EYA1: variants seen among roughly 807,000 people sequenced by gnomAD.
EYA1 encodes the protein EYA transcriptional coactivator and phosphatase 1, also known as protein phosphatase EYA1.
In EYA1, 16 loss-of-function variants were observed where a neutral mutation model predicts 82.0. The ratio of observed to expected loss-of-function variants is 0.20; its 90% confidence interval spans 0.13 to 0.30. EYA1 has a LOEUF of 0.30. EYA1 is among the 10% of genes least tolerant of loss of function. EYA1 has a pLI of 1.00. For synonymous variants in EYA1, 261 were observed against 264.4 expected, an observed-to-expected ratio of 0.99 and a Z score of 0.12; for missense variants, 633 against 730.7, an observed-to-expected ratio of 0.87 and a Z score of 1.54.
chr8:71,529,273 T>G (rs899055377), intron 2 of EYA1: 10 of 152,316 alleles, frequency 6.6e-5, no homozygotes, highest in African/African-American at 2.2e-4. Flanking sequence ...ACCCCAACTC[T>G]AGGCCTTACT....
chr8:71,351,697 A>G (rs1025438739), intron 3 of EYA1, among the ~76,000 whole-genome samples: 9 of 152,332 alleles, frequency 5.9e-5, no homozygotes, highest in East Asian at 1.9e-4. Flanking sequence ...TACAGAACCT[A>G]CAAACATTGA....
At chr8:71,398,838 T>C (rs1563572581) in intron 2 of EYA1, among the ~76,000 whole-genome samples, 1 of 152,214 alleles carries the variant, frequency 6.6e-6, no homozygotes, top group African/African-American at 2.4e-5. Context: ...GACAGAGACA[T>C]TTAAGTCTGC....
At chr8:71,279,838 C>T (rs1242356019) in intron 9 of EYA1, among the ~76,000 whole-genome samples, 1 of 152,128 alleles carries the variant, frequency 6.6e-6, no homozygotes, top group African/African-American at 2.4e-5. Flanking sequence ...TTTAATTCTC[C>T]TTTTTTGTGT....
At chr8:71,466,436 A>T (rs1316213849) in intron 2 of EYA1, among the ~76,000 whole-genome samples, 1 of 152,186 alleles carries the variant, frequency 6.6e-6, no homozygotes, top group African/African-American at 2.4e-5. Flanking sequence ...TACAGTTAAC[A>T]TGAGTGATAT....
intron 11 of EYA1, among the ~76,000 whole-genome samples, chr8:71,249,725 C>T (rs147870583): frequency 5.4e-4 from 82 of 152,260 alleles, no homozygotes; most frequent in African/African-American, 1.9e-3. Context: ...TGGCTTCAAC[C>T]ACCACCCACT....
At chr8:71,356,768 G>A in intron 1 of EYA1, 1 of 1,159,152 alleles carries the variant, frequency 8.6e-7, no homozygotes, top group Non-Finnish European at 1.1e-6. Context: ...TTCATCACTG[G>A]CCTATGACAG....
chr8:71,519,101 A>G (rs1586873869), intron 2 of EYA1, among the ~76,000 whole-genome samples: 1 of 152,294 alleles, frequency 6.6e-6, no homozygotes, highest in African/African-American at 2.4e-5. Context: ...TTTTTCCCCT[A>G]TGACAATGAA....
chr8:71,546,035 C>A (rs1211105378), intron 1 of EYA1, among the ~76,000 whole-genome samples: 1 of 152,170 alleles, frequency 6.6e-6, no homozygotes, highest in Non-Finnish European at 1.5e-5. Context: ...ACCATCCCAG[C>A]ACATCAGTGT....
chr8:71,488,646 C>T (rs1292380257), intron 2 of EYA1, among the ~76,000 whole-genome samples: 1 of 152,156 alleles, frequency 6.6e-6, no homozygotes, highest in African/African-American at 2.4e-5. Flanking sequence ...TACTTTTAAA[C>T]AAGTGTTTAA....
At chr8:71,443,424 G>T (rs754411400) in intron 2 of EYA1, among the ~76,000 whole-genome samples, 1 of 152,164 alleles carries the variant, frequency 6.6e-6, no homozygotes, top group Non-Finnish European at 1.5e-5. Flanking sequence ...CTTGGGTAAA[G>T]CACGTGCCAT....
chr8:71,205,159 A>T (rs2128815919), intron 17 of EYA1, among the ~76,000 whole-genome samples: 1 of 152,316 alleles, frequency 6.6e-6, no homozygotes, highest in East Asian at 1.9e-4. Context: ...TAAAATGAAC[A>T]TATTTAATGA....
intron 2 of EYA1, among the ~76,000 whole-genome samples, chr8:71,479,767 A>G (rs573209576): frequency 6.6e-6 from 1 of 152,270 alleles, no homozygotes; most frequent in Admixed American, 6.5e-5. Flanking sequence ...CTATCACTCA[A>G]CAGTGGATAG....
At chr8:71,216,587 T>C (rs569213955) in intron 14 of EYA1, 105 bp downstream of exon 14, 2 of 1,216,080 alleles carry the variant, frequency 1.6e-6, no homozygotes, top group East Asian at 2.3e-5. Context: ...ACTGCCCAAA[T>C]AGAAGCTATT....
At chr8:71,273,364 C>T (rs183275933) in intron 9 of EYA1, among the ~76,000 whole-genome samples, 2 of 152,286 alleles carry the variant, frequency 1.3e-5, no homozygotes, top group Admixed American at 6.5e-5. Context: ...TAAGCTGACT[C>T]ATCTCACAGA....
At chr8:71,332,581 C>CA (rs1465790734) in intron 4 of EYA1, among the ~76,000 whole-genome samples, 7 of 152,122 alleles carry the variant, frequency 4.6e-5, no homozygotes, top group South Asian at 2.1e-4. Flanking sequence ...CAAATTAATA[C>CA]AAAAAAATCT....
chr8:71,340,155 G>A (rs1396378175), intron 3 of EYA1, among the ~76,000 whole-genome samples: 1 of 152,032 alleles, frequency 6.6e-6, no homozygotes, highest in Non-Finnish European at 1.5e-5. Flanking sequence ...CTGGCTGTAG[G>A]GTCTTCAGCA....
intron 11 of EYA1, among the ~76,000 whole-genome samples, chr8:71,247,593 T>A (rs375864324): frequency 2.0e-5 from 3 of 152,178 alleles, no homozygotes; most frequent in Admixed American, 1.3e-4. Flanking sequence ...TGAAATTCTA[T>A]GAAATTTCAT....
intron 2 of EYA1, among the ~76,000 whole-genome samples, chr8:71,373,443 C>A (rs1158176840): frequency 6.6e-6 from 1 of 151,856 alleles, no homozygotes. Flanking sequence ...AGTAAAAGAT[C>A]CGTACATTGA....
chr8:71,381,510 A>G (rs913315391), intron 2 of EYA1, among the ~76,000 whole-genome samples: 3 of 152,228 alleles, frequency 2.0e-5, no homozygotes, highest in Admixed American at 6.5e-5. Flanking sequence ...GGCAAGGTAC[A>G]TGCAAACAAT....
Sources: gnomAD v4.1 joint callset for allele counts (sites outside exome capture counted in the v4.1 genomes callset) on GRCh38, gnomAD v4.1.1 for gene constraint, MANE v1.5 for transcripts, NCBI Gene and HGNC (gene_info 2026-07-23, HGNC 2026-07-21) for gene names.